Variants in ZNF487 observed in about 807,000 individuals in gnomAD.
The protein encoded by ZNF487 is zinc finger protein 487.
ZNF487 carries 4 observed loss-of-function variants against 3.0 expected under a neutral mutation model. The observed-to-expected ratio is 1.35, with a 90% CI of 0.66 to 3.08. ZNF487 has a LOEUF of 3.08. Among genes scored for constraint, ZNF487 ranks in the 30% most tolerant of loss-of-function variants. The pLI, the probability that ZNF487 is intolerant of heterozygous loss-of-function variation, is 0.01. For synonymous variants in ZNF487, 55 were observed against 34.6 expected, an observed-to-expected ratio of 1.59 and a Z score of -2.06; for missense variants, 146 against 98.7, an observed-to-expected ratio of 1.48 and a Z score of -2.03.
the ZNF487 span, among the ~76,000 whole-genome samples, chr10:43,493,708 AAATATATATATATAT>A: frequency 0.038 from 1,693 of 44,038 alleles, 131 homozygotes; most frequent in African/African-American, 0.1. Flanking sequence ...AAAAAAAAAA[AAATATATATATATAT>A]ATATATATAT....
the ZNF487 span, among the ~76,000 whole-genome samples, chr10:43,496,886 A>T: frequency 6.6e-6 from 1 of 152,122 alleles, no homozygotes; most frequent in African/African-American, 2.4e-5. Context: ...AGGTTTGTTT[A>T]CATAGGTAAA....
intron 1 of ZNF487, among the ~76,000 whole-genome samples, chr10:43,466,682 T>C (rs1840719349): frequency 6.6e-6 from 1 of 152,174 alleles, no homozygotes; most frequent in African/African-American, 2.4e-5. Flanking sequence ...ATTACAGGCG[T>C]GAGCCACCAT....
At chr10:43,451,826 A>T (rs1840022145) in intron 1 of ZNF487, 1 of 152,264 alleles carries the variant, frequency 6.6e-6, no homozygotes, top group South Asian at 2.1e-4. Context: ...CAGCCTCGCA[A>T]AGTGCTGGGA....
At chr10:43,487,929 C>CAAAAAAAAAAAAAAAA (rs76705594), downstream of ZNF487, among the ~76,000 whole-genome samples, 12 of 40,442 alleles carry the variant, frequency 3.0e-4, 2 homozygotes, top group East Asian at 1.8e-3. Flanking sequence ...TACCAAAATA[C>CAAAAAAAAAAAAAAAA]AAAAAAAAAA....
At chr10:43,465,859 C>T (rs1217258021) in intron 1 of ZNF487, among the ~76,000 whole-genome samples, 2 of 152,144 alleles carry the variant, frequency 1.3e-5, no homozygotes, top group African/African-American at 4.8e-5. Context: ...GAGGTTGTAG[C>T]GAGCCGAGAT....
intron 1 of ZNF487, among the ~76,000 whole-genome samples, chr10:43,455,193 A>T (rs1840139037): frequency 6.6e-6 from 1 of 151,810 alleles, no homozygotes; most frequent in South Asian, 2.1e-4. Context: ...TGTATTTTTT[A>T]GTAGAGACGG....
chr10:43,480,849 C>G (rs2132154715), intron 3 of ZNF487, among the ~76,000 whole-genome samples: 1 of 152,126 alleles, frequency 6.6e-6, no homozygotes, highest in East Asian at 1.9e-4. Context: ...TTAGGCAAAT[C>G]AGAAGATGAA....
chr10:43,443,061 C>CTT lies in ZNF487; in HGVS notation c.-94+5816_-94+5817dup, dbSNP rs34420531. Among the ~76,000 whole-genome samples, 1,117 of 119,850 alleles carry CTT rather than the reference C, an allele frequency of 9.3e-3. 37 individuals are homozygous for CTT. Among genetic ancestry groups the CTT allele is most frequent in the Non-Finnish European group, 0.012 (741 of 61,304 alleles). The allele number at this position is 119,850 out of a possible 152,430, so 78.6% of individuals were successfully genotyped here. A position where few individuals can be genotyped will look rare whatever the true frequency, so the allele number is the denominator to read the frequency against. Reference sequence around the variant, plus strand: ...ACCTTTCTAAACTTACTCGTTCTAGCTTTTTTTTTTTTTTTTTTGAGACAG... The same window carrying CTT: ...ACCTTTCTAAACTTACTCGTTCTAGCTTTTTTTTTTTTTTTTTTTTGAGACAG... On this transcript the variant is annotated intron_variant, in intron 1 of 3. Transcript: ENST00000437590.
chr10:43,513,906 G>A, the ZNF487 span, among the ~76,000 whole-genome samples: 1 of 152,096 alleles, frequency 6.6e-6, no homozygotes, highest in Non-Finnish European at 1.5e-5. Flanking sequence ...AGCAGTCCCC[G>A]AAATGTCTGA....
At chr10:43,493,603 A>G in the ZNF487 span, among the ~76,000 whole-genome samples, 1 of 149,872 alleles carries the variant, frequency 6.7e-6, no homozygotes. Flanking sequence ...AAGTGGGAGG[A>G]TCACTTGAGC....
At chr10:43,521,689 G>C in the ZNF487 span, among the ~76,000 whole-genome samples, 5 of 152,116 alleles carry the variant, frequency 3.3e-5, no homozygotes, top group Non-Finnish European at 7.4e-5. Context: ...TGAATTTGTT[G>C]TCACAAAATC....
intron 3 of ZNF487, among the ~76,000 whole-genome samples, chr10:43,479,080 T>G (rs1841211317): frequency 7.2e-6 from 1 of 138,064 alleles, no homozygotes; most frequent in Admixed American, 8.0e-5. Context: ...TATGTATGTA[T>G]GTGTGTATAT....
chr10:43,455,011 CTTTT>C (rs754096470), intron 1 of ZNF487, among the ~76,000 whole-genome samples: 2 of 128,502 alleles, frequency 1.6e-5, no homozygotes, highest in African/African-American at 2.9e-5. Flanking sequence ...TTAGTTTGCA[CTTTT>C]TTTTTTTTTT....
At chr10:43,501,733 C>A in the ZNF487 span, among the ~76,000 whole-genome samples, 2 of 151,350 alleles carry the variant, frequency 1.3e-5, no homozygotes, top group African/African-American at 4.8e-5. Context: ...CAGAGTGAGA[C>A]CCTGTCTCAA....
chr10:43,506,136 C>A, the ZNF487 span, among the ~76,000 whole-genome samples: 10 of 152,160 alleles, frequency 6.6e-5, no homozygotes, highest in Admixed American at 3.9e-4. Flanking sequence ...GGAACATTTA[C>A]TCATGATGGA....
chr10:43,446,600 G>A (rs555112808), intron 1 of ZNF487, among the ~76,000 whole-genome samples: 8 of 151,128 alleles, frequency 5.3e-5, no homozygotes, highest in Middle Eastern at 3.4e-3. Context: ...CAGACAGGGC[G>A]GCCGGGCAGG....
chr10:43,477,237 C>T (rs1486387002), intron 3 of ZNF487, among the ~76,000 whole-genome samples: 1 of 149,770 alleles, frequency 6.7e-6, no homozygotes, highest in Non-Finnish European at 1.5e-5. Flanking sequence ...CTCTCAGTCT[C>T]ACAGGCTAGA....
At chr10:43,463,476 T>G (rs1840509797) in intron 1 of ZNF487, among the ~76,000 whole-genome samples, 1 of 151,872 alleles carries the variant, frequency 6.6e-6, no homozygotes, top group Admixed American at 6.6e-5. Flanking sequence ...AGGCTAAGGT[T>G]GCAGTGAGCC....
At chr10:43,485,433 T>C (rs1841463407), downstream of ZNF487, among the ~76,000 whole-genome samples, 1 of 152,148 alleles carries the variant, frequency 6.6e-6, no homozygotes, top group Non-Finnish European at 1.5e-5. Flanking sequence ...AAAAACCATA[T>C]TGATTATGAA....
Sources: gnomAD v4.1 joint callset for allele counts (sites outside exome capture counted in the v4.1 genomes callset) on GRCh38, gnomAD v4.1.1 for gene constraint, MANE v1.5 for transcripts, NCBI Gene and HGNC (gene_info 2026-07-23, HGNC 2026-07-21) for gene names.